ARHGAP42: variants seen among roughly 807,000 people sequenced by gnomAD.
The protein encoded by ARHGAP42 is Rho GTPase activating protein 42, also known as rho GTPase-activating protein 42.
Under a neutral mutation model 125.0 loss-of-function variants are expected in ARHGAP42, and 63 were observed. The observed-to-expected ratio is 0.50, with a 90% CI of 0.41 to 0.62. The LOEUF is 0.62. Among genes scored for constraint, ARHGAP42 ranks in the 20% least tolerant of loss-of-function variants. The pLI, the probability that ARHGAP42 is intolerant of heterozygous loss-of-function variation, is 0.00. For missense variants in ARHGAP42, 766 were observed against 1,024.2 expected, an observed-to-expected ratio of 0.75 and a Z score of 3.44; for synonymous variants, 339 against 351.0, an observed-to-expected ratio of 0.97 and a Z score of 0.38.
intron 4 of ARHGAP42, among the ~76,000 whole-genome samples, chr11:100,879,617 CCA>C (rs2055379607): frequency 6.6e-6 from 1 of 152,106 alleles, no homozygotes; most frequent in African/African-American, 2.4e-5. Context: ...CTTCCGACAC[CCA>C]CATCCATTAT....
At position 100,992,566 on chromosome 11, in the gene ARHGAP42, C is replaced by A. The variant is rs544581252; in HGVS notation, c.*3765C>A. 3 of 1,613,944 alleles carry A rather than the reference C, an allele frequency of 1.9e-6. No individual in the cohort carries two copies. The highest frequency in any genetic ancestry group is 1.7e-5 in the Admixed American group (1 of 59,992). On this transcript the variant is annotated 3_prime_UTR_variant, in exon 24 of 24. Transcript: ENST00000298815. ...TCCTGTTGATTCGCAGATGTAATAT[C>A]GAGTATTCATCAACTGGTCTCAATT...
chr11:100,961,810 G>C (rs1422419854), intron 15 of ARHGAP42, 42 bp downstream of exon 15: 5 of 1,497,422 alleles, frequency 3.3e-6, no homozygotes, highest in Non-Finnish European at 1.8e-6. Flanking sequence ...TGTAATCTCT[G>C]ACTCACCCCT....
chr11:100,985,927 G>A (rs1254493952), intron 22 of ARHGAP42: 2 of 408,016 alleles, frequency 4.9e-6, no homozygotes, highest in East Asian at 7.2e-5. Context: ...TGGGAGAGCT[G>A]TGGATGCAAA....
At chr11:100,893,767 T>G (rs1219485848) in intron 4 of ARHGAP42, among the ~76,000 whole-genome samples, 3 of 152,192 alleles carry the variant, frequency 2.0e-5, no homozygotes, top group African/African-American at 7.2e-5. Context: ...GGAATTTTCC[T>G]AATTCTAATT....
At position 100,859,540 on chromosome 11, in the gene ARHGAP42, A is replaced by AT; in HGVS notation, c.313-8dup. On this transcript the variant is annotated splice_polypyrimidine_tract_variant and intron_variant, in intron 3 of 23. Coordinates refer to ENST00000298815, the MANE Select transcript of ARHGAP42 (RefSeq NM_152432.4). ...ATTATGCAAGATTTAATATATGTGC[A>AT]TTTTTTATTTCAGATCCAAAACGCT... The AT allele has an allele frequency of 4.6e-6, 7 of 1,528,258 alleles. No individual in the cohort carries two copies. Among genetic ancestry groups the AT allele is most frequent in the Non-Finnish European group, 6.1e-6 (7 of 1,138,920 alleles). 94.7% of individuals were successfully genotyped at this position (1,528,258 alleles called of 1,614,324 possible). A position where few individuals can be genotyped will look rare whatever the true frequency, so the allele number is the denominator to read the frequency against.
chr11:100,733,828 A>G (rs1448520406), intron 1 of ARHGAP42, among the ~76,000 whole-genome samples: 7 of 145,780 alleles, frequency 4.8e-5, no homozygotes, highest in Admixed American at 3.4e-4. Context: ...CTGTCTGGAA[A>G]AAAAAAAAAA....
intron 3 of ARHGAP42, among the ~76,000 whole-genome samples, chr11:100,843,486 C>T (rs1864988684): frequency 6.6e-6 from 1 of 151,982 alleles, no homozygotes; most frequent in Non-Finnish European, 1.5e-5. Flanking sequence ...TGAAGGGCAT[C>T]CAAATAGGTA....
intron 2 of ARHGAP42, among the ~76,000 whole-genome samples, chr11:100,773,080 A>G (rs1591169038): frequency 6.6e-6 from 1 of 152,026 alleles, no homozygotes; most frequent in African/African-American, 2.4e-5. Context: ...CAGGTGATCC[A>G]CCTGCCTCAG....
At chr11:100,759,684 G>A (rs1862658652) in intron 1 of ARHGAP42, among the ~76,000 whole-genome samples, 1 of 152,142 alleles carries the variant, frequency 6.6e-6, no homozygotes, top group Non-Finnish European at 1.5e-5. Context: ...TAATACGAGA[G>A]GAGGGGAAAA....
intron 3 of ARHGAP42, among the ~76,000 whole-genome samples, chr11:100,816,434 C>T (rs562743479): frequency 3.7e-4 from 56 of 152,138 alleles, no homozygotes; most frequent in Admixed American, 1.0e-3. Context: ...TGAATTCACA[C>T]GGTTAACAGA....
chr11:100,952,574 A>C (rs1857686824), intron 12 of ARHGAP42, among the ~76,000 whole-genome samples: 1 of 152,042 alleles, frequency 6.6e-6, no homozygotes, highest in Non-Finnish European at 1.5e-5. Context: ...TTGCTCACCC[A>C]AACAGAATCA....
Position 100,948,549 on chromosome 11 carries a change from A to G in ARHGAP42, c.1122+14A>G. ...GGGAAGGAACCGGTAAGACTATGAC[A>G]CATTCTATAATTTAGGTTTTATTGT... On this transcript the variant is annotated intron_variant, in intron 11 of 23. Transcript: ENST00000298815. The G allele has an allele frequency of 1.3e-6, 2 of 1,533,730 alleles. No homozygotes were observed. Among genetic ancestry groups the G allele is most frequent in the Non-Finnish European group, 1.8e-6 (2 of 1,136,840 alleles).
Position 100,989,270 on chromosome 11 carries a change from TTA to T in ARHGAP42, c.*475_*476del, listed in dbSNP as rs2135339553. 1 of 396,348 alleles carries T rather than the reference TTA, an allele frequency of 2.5e-6. No homozygotes were observed. Among genetic ancestry groups the T allele is most frequent in the South Asian group, 1.4e-4 (1 of 7,376 alleles). The allele number at this position is 396,348 out of a possible 1,614,324, so 24.6% of individuals were successfully genotyped here. On this transcript the variant is annotated 3_prime_UTR_variant, in exon 24 of 24. Transcript: ENST00000298815. ...TTTTTTTCTTAGAAATATACTGCTT[TTA>T]TATATGATTGTTTTGCTGGTCCTAA...
chr11:100,860,657 C>A (rs929168268), intron 4 of ARHGAP42, among the ~76,000 whole-genome samples: 11 of 152,038 alleles, frequency 7.2e-5, no homozygotes, highest in Non-Finnish European at 1.6e-4. Flanking sequence ...GACTTCATAT[C>A]CCAGCACCAG....
At chr11:100,817,508 C>T (rs567045716) in intron 3 of ARHGAP42, among the ~76,000 whole-genome samples, 2 of 152,224 alleles carry the variant, frequency 1.3e-5, no homozygotes, top group Admixed American at 1.3e-4. Flanking sequence ...AGTTGAAGCT[C>T]AGGAAATGTT....
intron 1 of ARHGAP42, among the ~76,000 whole-genome samples, chr11:100,761,740 G>A (rs1446498623): frequency 1.3e-5 from 2 of 152,160 alleles, no homozygotes; most frequent in Non-Finnish European, 2.9e-5. Flanking sequence ...GATTAAATAT[G>A]TTATGCTTAC....
At chr11:100,925,921 G>T (rs1482063284) in intron 6 of ARHGAP42, among the ~76,000 whole-genome samples, 1 of 152,038 alleles carries the variant, frequency 6.6e-6, no homozygotes, top group Non-Finnish European at 1.5e-5. Flanking sequence ...CTGACTCTTG[G>T]TTATAATATT....
intron 3 of ARHGAP42, among the ~76,000 whole-genome samples, chr11:100,850,780 T>G (rs986058062): frequency 6.6e-6 from 1 of 152,120 alleles, no homozygotes; most frequent in Non-Finnish European, 1.5e-5. Flanking sequence ...GCTTTCTGGT[T>G]TCTGAGTTTC....
At chr11:100,975,999 AT>A (rs1858379869) in intron 19 of ARHGAP42, 57 bp from the exon 20 acceptor site, 1 of 1,448,558 alleles carries the variant, frequency 6.9e-7, no homozygotes, top group African/African-American at 1.4e-5. Context: ...GGTTTTGGTG[AT>A]GCTGTTATCA....
Sources: gnomAD v4.1 joint callset for allele counts (sites outside exome capture counted in the v4.1 genomes callset) on GRCh38, gnomAD v4.1.1 for gene constraint, MANE v1.5 for transcripts, NCBI Gene and HGNC (gene_info 2026-07-23, HGNC 2026-07-21) for gene names.